The following GCH1 variants were observed in gnomAD, a reference collection of about 807,000 sequenced individuals.
GCH1 encodes the protein GTP cyclohydrolase 1, also known as GTP cyclohydrolase I.
A neutral mutation model predicts 25.9 loss-of-function variants in GCH1; 5 were observed. The ratio of observed to expected loss-of-function variants is 0.19; its 90% CI spans 0.10 to 0.41. The LOEUF is 0.41. Among genes scored for constraint, GCH1 ranks in the 10% least tolerant of loss-of-function variants. GCH1 has a pLI of 1.00. For missense variants in GCH1, 261 were observed against 336.5 expected, an observed-to-expected ratio of 0.78 and a Z score of 1.75; for synonymous variants, 159 against 129.6, an observed-to-expected ratio of 1.23 and a Z score of -1.54.
Position 54,859,743 on chromosome 14 carries a change from A to G in GCH1, c.454-7T>C. 6.4e-7 allele frequency: 1 copy of G among 1,552,684 alleles called. No homozygotes were observed. The highest frequency in any genetic ancestry group is 8.9e-7 in the Non-Finnish European group (1 of 1,123,916). On this transcript the variant is annotated splice_polypyrimidine_tract_variant and splice_region_variant and intron_variant, in intron 2 of 5. Coordinates refer to ENST00000491895, the MANE Select transcript of GCH1 (RefSeq NM_000161.3). ...GAAGATAACCAATATGGACCTTCAGAGAAGAGACGGAAATCATTAGCTGAG... is the reference window on the plus strand; with the variant it reads ...GAAGATAACCAATATGGACCTTCAGGGAAGAGACGGAAATCATTAGCTGAG...
Position 54,859,635 on chromosome 14 carries a change from A to G in GCH1, c.509+46T>C, listed in dbSNP as rs770808273. The G allele has an allele frequency of 2.2e-5, 22 of 1,009,098 alleles. No homozygotes were observed. In the Admixed American group the frequency reaches 3.7e-4, roughly 17 times the overall value. 62.5% of individuals were successfully genotyped at this position (1,009,098 alleles called of 1,614,324 possible). A position where few individuals can be genotyped will look rare whatever the true frequency, so the allele number is the denominator to read the frequency against. ...AGATAGATTCTCAGCAGATGAGGGC[A>G]GGTCCTATAAACCTGTATTCTTGTT... On this transcript the variant is annotated intron_variant, in intron 3 of 5. Coordinates refer to ENST00000491895, the MANE Select transcript of GCH1 (RefSeq NM_000161.3).
chr14:54,858,233 C>T (rs1180595560), intron 3 of GCH1, among the ~76,000 whole-genome samples: 1 of 152,036 alleles, frequency 6.6e-6, no homozygotes, highest in Non-Finnish European at 1.5e-5. Context: ...AACAGGAACA[C>T]ATCAGAGCCA....
rs779677779 is a variant in GCH1, at chr14:54,862,593, G to GTTGT, written c.453+2733_453+2734insACAA. Among the ~76,000 whole-genome samples, 454 of 97,478 alleles carry GTTGT rather than the reference G, an allele frequency of 4.7e-3. 8 individuals are homozygous for GTTGT. Among genetic ancestry groups the GTTGT allele is most frequent in the African/African-American group, 0.017 (424 of 25,306 alleles). 63.9% of individuals were successfully genotyped at this position (97,478 alleles called of 152,430 possible). A position where few individuals can be genotyped will look rare whatever the true frequency, so the allele number is the denominator to read the frequency against. ...TTGTCTGTTTGGTTGATTGGTTTTC[G>GTTGT]TTTTTTTTTTTTTTGGTTGGTTTTT... On this transcript the variant is annotated intron_variant, in intron 2 of 5. Transcript: ENST00000491895.
At chr14:54,880,084 T>C (rs986640808) in intron 1 of GCH1, among the ~76,000 whole-genome samples, 2 of 148,702 alleles carry the variant, frequency 1.3e-5, no homozygotes, top group Admixed American at 6.8e-5. Flanking sequence ...GAGGTTGCAG[T>C]GAGCCAAGAT....
chr14:54,852,069 C>T (rs1262014437), intron 3 of GCH1, among the ~76,000 whole-genome samples: 2 of 152,158 alleles, frequency 1.3e-5, no homozygotes, highest in Non-Finnish European at 1.5e-5. Flanking sequence ...AGATTACAGG[C>T]GTGAGCCACT....
chr14:54,855,768 C>T (rs1265078297), intron 3 of GCH1, among the ~76,000 whole-genome samples: 1 of 147,022 alleles, frequency 6.8e-6, no homozygotes. Flanking sequence ...GAGCCAAAAT[C>T]GCACCACTGC....
intron 3 of GCH1, among the ~76,000 whole-genome samples, chr14:54,849,052 T>C (rs13329045): frequency 1.0e-3 from 153 of 152,368 alleles, no homozygotes; most frequent in African/African-American, 3.4e-3. Flanking sequence ...GTGGTAACAC[T>C]GGGCAACCAT....
At chr14:54,898,337 G>A (rs2040516250) in intron 1 of GCH1, among the ~76,000 whole-genome samples, 1 of 152,208 alleles carries the variant, frequency 6.6e-6, no homozygotes, top group African/African-American at 2.4e-5. Flanking sequence ...CATGAAAGGA[G>A]CTTGCAGGAT....
At chr14:54,848,136 CTT>C (rs376044763) in intron 3 of GCH1, among the ~76,000 whole-genome samples, 15 of 137,314 alleles carry the variant, frequency 1.1e-4, no homozygotes, top group Admixed American at 2.2e-4. Flanking sequence ...AAATTTTCCT[CTT>C]TTTTTTTTTT....
At chr14:54,891,024 A>G (rs57095876) in intron 1 of GCH1, among the ~76,000 whole-genome samples, 30,385 of 152,146 alleles carry the variant, frequency 0.2, 3,119 homozygotes, top group Admixed American at 0.23. Flanking sequence ...CACTTTTCAC[A>G]GTTTCAGTTA....
intron 1 of GCH1, among the ~76,000 whole-genome samples, chr14:54,866,559 T>C (rs2140075861): frequency 6.6e-6 from 1 of 151,572 alleles, no homozygotes; most frequent in Non-Finnish European, 1.5e-5. Flanking sequence ...ATATGCAATA[T>C]ACATAATAGA....
rs527862036 is a variant in GCH1 at position 54,873,041 on chromosome 14, A to G, written c.344-7605T>C. 9.2e-5 allele frequency among the ~76,000 whole-genome samples: 14 copies of G among 152,160 alleles called. No individual in the cohort carries two copies. In the South Asian group the frequency reaches 2.9e-3, roughly 32 times the overall value. On this transcript the variant is annotated intron_variant, in intron 1 of 5. Transcript: ENST00000491895. ...ACAGAACTCTCCACCCCAAATCAAC[A>G]GAATATACATTCTTCTCAGCACCAC...
chr14:54,878,753 T>C (rs1740487597), intron 1 of GCH1, among the ~76,000 whole-genome samples: 1 of 152,126 alleles, frequency 6.6e-6, no homozygotes, highest in African/African-American at 2.4e-5. Context: ...TGTCTGTCTT[T>C]ACTCTATGAT....
Position 54,902,732 on chromosome 14 carries a change from C to G in GCH1, c.-69G>C, listed in dbSNP as rs533157442. 1,408 of 1,388,276 alleles carry G rather than the reference C, an allele frequency of 1.0e-3. 12 individuals carry two copies. In the African/African-American group the frequency reaches 0.019, roughly 19 times the overall value. The allele number at this position is 1,388,276 out of a possible 1,614,324, so 86.0% of individuals were successfully genotyped here. ...CTTCGAGGTCTGCGGCTAAACTCCG[C>G]CGGTGGCCGCGGACAATGGGCTGTG... On this transcript the variant is annotated 5_prime_UTR_variant, in exon 1 of 6. Transcript: ENST00000491895.
intron 1 of GCH1, among the ~76,000 whole-genome samples, chr14:54,870,802 G>A (rs897461414): frequency 2.6e-5 from 4 of 152,228 alleles, no homozygotes; most frequent in Non-Finnish European, 4.4e-5. Flanking sequence ...GGCTGGGGGA[G>A]GGGCACCCGC....
At chr14:54,853,632 C>T (rs2039767289) in intron 3 of GCH1, among the ~76,000 whole-genome samples, 2 of 152,180 alleles carry the variant, frequency 1.3e-5, no homozygotes, top group African/African-American at 2.4e-5. Flanking sequence ...ACCATTCTTA[C>T]ATTCTTGGAC....
At chr14:54,887,821 T>C (rs1387522290) in intron 1 of GCH1, among the ~76,000 whole-genome samples, 1 of 152,234 alleles carries the variant, frequency 6.6e-6, no homozygotes, top group African/African-American at 2.4e-5. Context: ...GGTAAGTATA[T>C]AGGTGTCTAT....
chr14:54,871,514 T>C (rs902184422), intron 1 of GCH1, among the ~76,000 whole-genome samples: 3 of 152,052 alleles, frequency 2.0e-5, no homozygotes, highest in Admixed American at 1.3e-4. Context: ...CTTTGACGAA[T>C]TGAGAGAAAA....
chr14:54,852,688 T>C (rs982889668), intron 3 of GCH1, among the ~76,000 whole-genome samples: 7 of 152,244 alleles, frequency 4.6e-5, no homozygotes, highest in African/African-American at 1.4e-4. Context: ...AGGACTGTTA[T>C]ATGCCACTTT....
Sources: gnomAD v4.1 joint callset for allele counts (sites outside exome capture counted in the v4.1 genomes callset) on GRCh38, gnomAD v4.1.1 for gene constraint, MANE v1.5 for transcripts, NCBI Gene and HGNC (gene_info 2026-07-23, HGNC 2026-07-21) for gene names.